Variants in COBLL1 observed in about 807,000 individuals in gnomAD.
COBLL1 encodes the protein cordon-bleu protein-like 1.
Under a neutral mutation model 94.8 loss-of-function variants are expected in COBLL1, and 50 were observed. That is an observed-to-expected ratio of 0.53 (90% CI 0.42 to 0.67). COBLL1 has a LOEUF of 0.67. Among genes scored for constraint, COBLL1 ranks in the 30% least tolerant of loss-of-function variants. COBLL1 has a pLI of 0.00. For synonymous variants in COBLL1, 448 were observed against 473.8 expected (o/e 0.95, Z 0.71); for missense variants, 1,362 against 1,348.7 (o/e 1.01, Z -0.15).
At chr2:164,829,698 G>T (rs893255778) in intron 2 of COBLL1, among the ~76,000 whole-genome samples, 5 of 151,856 alleles carry the variant, frequency 3.3e-5, no homozygotes, top group Non-Finnish European at 5.9e-5. Flanking sequence ...ATATGAACAG[G>T]GGGTATTACC....
intron 2 of COBLL1, among the ~76,000 whole-genome samples, chr2:164,780,894 G>A (rs1688696290): frequency 6.6e-6 from 1 of 152,156 alleles, no homozygotes; most frequent in Admixed American, 6.5e-5. Flanking sequence ...TTCTCAGTCA[G>A]TAATTTGCTG....
intron 2 of COBLL1, among the ~76,000 whole-genome samples, chr2:164,746,764 C>A (rs915729767): frequency 6.6e-6 from 1 of 151,980 alleles, no homozygotes; most frequent in Non-Finnish European, 1.5e-5. Flanking sequence ...TCTCCAGTCC[C>A]CTATCTAACA....
At chr2:164,679,559 T>G (rs953692071), downstream of COBLL1, among the ~76,000 whole-genome samples, 1 of 152,096 alleles carries the variant, frequency 6.6e-6, no homozygotes, top group Non-Finnish European at 1.5e-5. Context: ...TAGGGTGCTC[T>G]GAACTTCATG....
Position 164,692,219 on chromosome 2 carries a change from A to G in COBLL1, c.3300+2T>C. Reference sequence around the variant, plus strand: ...GTCACCCATCTGATAAAGAAGACTTACCCTTTTCAATTTGGCAGCAGCCTC... The same window carrying G: ...GTCACCCATCTGATAAAGAAGACTTGCCCTTTTCAATTTGGCAGCAGCCTC... On this transcript the variant is annotated splice_donor_variant, in intron 13 of 13. Transcript: ENST00000652658. LOFTEE classifies it high-confidence loss of function. 1 of 1,597,726 alleles carries G rather than the reference A, an allele frequency of 6.3e-7. No individual in the cohort carries two copies. The highest frequency in any genetic ancestry group is 1.7e-4 in the Middle Eastern group (1 of 5,960).
At chr2:164,759,011 G>A (rs1436880981) in intron 2 of COBLL1, among the ~76,000 whole-genome samples, 5 of 151,920 alleles carry the variant, frequency 3.3e-5, no homozygotes, top group Non-Finnish European at 5.9e-5. Context: ...CATTAAATGT[G>A]AGAGTTATAA....
At chr2:164,727,178 G>C in intron 5 of COBLL1, 1 of 1,256,698 alleles carries the variant, frequency 8.0e-7, no homozygotes. Context: ...AGGGTAAATT[G>C]ACTGTGAAGA....
intron 2 of COBLL1, among the ~76,000 whole-genome samples, chr2:164,768,801 GA>G (rs1200029317): frequency 1.3e-5 from 2 of 152,118 alleles, no homozygotes; most frequent in African/African-American, 4.8e-5. Flanking sequence ...AAATCTCCGT[GA>G]AAGCACTGGC....
intron 2 of COBLL1, among the ~76,000 whole-genome samples, chr2:164,746,886 C>A (rs991364570): frequency 4.6e-5 from 7 of 152,148 alleles, no homozygotes; most frequent in African/African-American, 1.7e-4. Flanking sequence ...ACACCCCCAT[C>A]TCTCTGCTTT....
At chr2:164,800,533 C>T in intron 2 of COBLL1, 1 of 702,090 alleles carries the variant, frequency 1.4e-6, no homozygotes, top group Non-Finnish European at 2.6e-6. Flanking sequence ...TATACACTTA[C>T]CATGACCCAG....
intron 2 of COBLL1, among the ~76,000 whole-genome samples, chr2:164,661,855 T>A (rs1691074822): frequency 6.6e-6 from 1 of 152,200 alleles, no homozygotes; most frequent in Admixed American, 6.5e-5. Context: ...ACAAATAAGT[T>A]ATTTCTTGTT....
At chr2:164,822,848 CA>C (rs2105365683) in intron 2 of COBLL1, among the ~76,000 whole-genome samples, 1 of 151,400 alleles carries the variant, frequency 6.6e-6, no homozygotes, top group South Asian at 2.1e-4. Flanking sequence ...AGCTCACTTG[CA>C]ACCTCCACCT....
chr2:164,708,978 A>G (rs1684744557), intron 7 of COBLL1, among the ~76,000 whole-genome samples: 1 of 152,160 alleles, frequency 6.6e-6, no homozygotes, highest in South Asian at 2.1e-4. Context: ...TGGGAGTTAG[A>G]GCTCTTATAT....
chr2:164,778,772 G>C (rs556896448), intron 2 of COBLL1, among the ~76,000 whole-genome samples: 2 of 152,238 alleles, frequency 1.3e-5, no homozygotes, highest in South Asian at 4.2e-4. Flanking sequence ...CCAATTAAAT[G>C]ATCAATAATG....
intron 13 of COBLL1, among the ~76,000 whole-genome samples, chr2:164,690,849 T>C (rs1313210805): frequency 1.3e-5 from 2 of 152,168 alleles, no homozygotes; most frequent in East Asian, 3.8e-4. Flanking sequence ...GTGCTTGGTT[T>C]GAAACTCATC....
chr2:164,834,300 A>G (rs912696457), intron 2 of COBLL1, among the ~76,000 whole-genome samples: 1 of 152,076 alleles, frequency 6.6e-6, no homozygotes, highest in Non-Finnish European at 1.5e-5. Flanking sequence ...TCTTAATTAT[A>G]TCAGTCATTT....
At chr2:164,738,432 G>T (rs1425368504) in intron 3 of COBLL1, 1 of 152,144 alleles carries the variant, frequency 6.6e-6, no homozygotes, top group Non-Finnish European at 1.5e-5. Context: ...ATTCTATGTG[G>T]TTTCTATATC....
chr2:164,824,740 G>A (rs2105369390), intron 2 of COBLL1, among the ~76,000 whole-genome samples: 1 of 152,212 alleles, frequency 6.6e-6, no homozygotes, highest in African/African-American at 2.4e-5. Flanking sequence ...TAGGTGGCTT[G>A]CAAAATTATT....
intron 2 of COBLL1, chr2:164,773,930 T>A: frequency 6.1e-6 from 1 of 163,192 alleles, no homozygotes; most frequent in East Asian, 1.9e-4. Flanking sequence ...AGGCTCTTTT[T>A]CTAAAGAGAA....
intron 2 of COBLL1, among the ~76,000 whole-genome samples, chr2:164,799,409 T>C (rs949110722): frequency 2.3e-4 from 35 of 152,176 alleles, no homozygotes; most frequent in Non-Finnish European, 4.7e-4. Context: ...TCAAAATATG[T>C]AGAGGATCTG....
Sources: gnomAD v4.1 joint callset for allele counts (sites outside exome capture counted in the v4.1 genomes callset) on GRCh38, gnomAD v4.1.1 for gene constraint, MANE v1.5 for transcripts, NCBI Gene and HGNC (gene_info 2026-07-23, HGNC 2026-07-21) for gene names.